The following PAIP1 variants were observed in gnomAD, a reference collection of about 807,000 sequenced individuals.
The protein encoded by PAIP1 is poly(A) binding protein interacting protein 1, also known as polyadenylate-binding protein-interacting protein 1.
Under a neutral mutation model 61.3 loss-of-function variants are expected in PAIP1, and 16 were observed. The observed-to-expected ratio is 0.26, with a 90% CI of 0.18 to 0.40. The LOEUF is 0.40. PAIP1 is among the 10% of genes least tolerant of loss of function. The probability of loss-of-function intolerance (pLI) is 1.00; values close to 1 mark genes in which losing one functional copy is unlikely to be tolerated. For missense variants in PAIP1, 416 were observed against 600.9 expected (o/e 0.69, Z 3.22); for synonymous variants, 187 against 226.2 (o/e 0.83, Z 1.56).
In PAIP1 at chr5:43,529,878, A is replaced by C. The variant is rs1265034344; in HGVS notation, c.1254T>G (p.Asp418Glu). 5.9e-6 allele frequency: 8 copies of C among 1,354,200 alleles called. No homozygotes were observed. The highest frequency in any genetic ancestry group is 8.5e-6 in the Non-Finnish European group (8 of 942,722). The allele number at this position is 1,354,200 out of a possible 1,614,324, so 83.9% of individuals were successfully genotyped here. A position where few individuals can be genotyped will look rare whatever the true frequency, so the allele number is the denominator to read the frequency against. Residue 418 changes from aspartate to glutamate, a missense_variant and splice_region_variant, in exon 10 of 11, where the codon GAT (aspartate) becomes GAG (glutamate). Physicochemically the swap from Asp to Glu is conservative, Grantham distance 45. Transcript: ENST00000306846. The part of the protein sequence containing the change: ...DGVPFTAADP[D>E]YQEKYQELLE... Reference sequence around the variant, plus strand: ...GTAATTCTTGGTATTTCTCTTGGTAATCTGTAAGACAACATAGGAGAAAAA... The same window carrying C: ...GTAATTCTTGGTATTTCTCTTGGTACTCTGTAAGACAACATAGGAGAAAAA...
intron 1 of PAIP1, 157 bp downstream of exon 1, chr5:43,556,425 C>G: frequency 4.1e-6 from 5 of 1,218,230 alleles, no homozygotes; most frequent in Non-Finnish European, 5.1e-6. Context: ...AACCCGGTTC[C>G]GGGCCCGTCC....
intron 2 of PAIP1, among the ~76,000 whole-genome samples, chr5:43,549,655 T>A (rs113721269): frequency 3.9e-5 from 6 of 152,332 alleles, no homozygotes; most frequent in African/African-American, 1.4e-4. Context: ...TGGACCACTA[T>A]AGTGCTACCA....
chr5:43,547,032 G>A (rs1747663198), intron 3 of PAIP1, among the ~76,000 whole-genome samples: 1 of 71,814 alleles, frequency 1.4e-5, no homozygotes, highest in South Asian at 5.2e-4. Flanking sequence ...GACAGGGCAA[G>A]ACTCCATATC....
chr5:43,538,345 GTTC>G (rs915054663), intron 5 of PAIP1, among the ~76,000 whole-genome samples: 3 of 151,940 alleles, frequency 2.0e-5, no homozygotes, highest in African/African-American at 7.3e-5. Flanking sequence ...AATTTTAAGT[GTTC>G]TTAACACAAA....
At chr5:43,535,044 C>G (rs1747089656) in intron 7 of PAIP1, 74 bp from the exon 8 acceptor site, 2 of 800,300 alleles carry the variant, frequency 2.5e-6, no homozygotes, top group Non-Finnish European at 4.3e-6. Flanking sequence ...CTCAGATTCC[C>G]AAAACTTTAT....
At chr5:43,553,684 G>A (rs928347124) in intron 2 of PAIP1, among the ~76,000 whole-genome samples, 2 of 152,134 alleles carry the variant, frequency 1.3e-5, no homozygotes, top group African/African-American at 2.4e-5. Flanking sequence ...CTTAACTATG[G>A]GTAAAGATTA....
Position 43,556,960 on chromosome 5 carries a change from TGGA to T in PAIP1, c.-117_-115del, listed in dbSNP as rs1413512639. ...GCCGCCGCGCCTCACTCGGGCCTCATGGAGGAGGAGGGCGGCGGGCCCCGGCTC... is the reference window on the plus strand; with the variant it reads ...GCCGCCGCGCCTCACTCGGGCCTCATGGAGGAGGGCGGCGGGCCCCGGCTC... On this transcript the variant is annotated 5_prime_UTR_variant, in exon 1 of 11. Coordinates refer to ENST00000306846, the MANE Select transcript of PAIP1 (RefSeq NM_006451.5). 5 of 1,255,054 alleles carry T rather than the reference TGGA, an allele frequency of 4.0e-6. No individual in the cohort carries two copies. The highest frequency in any genetic ancestry group is 3.2e-5 in the East Asian group (1 of 31,052). The allele number at this position is 1,255,054 out of a possible 1,614,324, so 77.7% of individuals were successfully genotyped here. A position where few individuals can be genotyped will look rare whatever the true frequency, so the allele number is the denominator to read the frequency against.
At chr5:43,551,843 G>C (rs754879296) in intron 2 of PAIP1, among the ~76,000 whole-genome samples, 3 of 150,446 alleles carry the variant, frequency 2.0e-5, no homozygotes, top group African/African-American at 7.4e-5. Context: ...GAATATAGCA[G>C]AACAGAGGAT....
At chr5:43,545,486 T>C (rs754227305) in intron 3 of PAIP1, among the ~76,000 whole-genome samples, 40 of 152,358 alleles carry the variant, frequency 2.6e-4, no homozygotes, top group Middle Eastern at 3.4e-3. Context: ...GTCTAACTTT[T>C]TAGATTCTCA....
At chr5:43,555,224 A>G (rs1748014635) in intron 2 of PAIP1, among the ~76,000 whole-genome samples, 1 of 152,222 alleles carries the variant, frequency 6.6e-6, no homozygotes, top group Admixed American at 6.5e-5. Context: ...GCTAACACTT[A>G]AGTACACTAT....
intron 9 of PAIP1, among the ~76,000 whole-genome samples, chr5:43,530,567 AT>A (rs1218214300): frequency 6.6e-6 from 1 of 152,232 alleles, no homozygotes; most frequent in Non-Finnish European, 1.5e-5. Flanking sequence ...TTGCAATTAT[AT>A]TAGACTGGGT....
At chr5:43,542,353 T>C (rs574671098) in intron 4 of PAIP1, among the ~76,000 whole-genome samples, 1 of 151,424 alleles carries the variant, frequency 6.6e-6, no homozygotes, top group Non-Finnish European at 1.5e-5. Context: ...GCCAACATGG[T>C]GAAACCCGTC....
chr5:43,554,319 T>C (rs1046987236), intron 2 of PAIP1, among the ~76,000 whole-genome samples: 13 of 152,196 alleles, frequency 8.5e-5, no homozygotes, highest in African/African-American at 3.1e-4. Context: ...TAAGAGTTTA[T>C]TCAACCTCTT....
At chr5:43,555,799 C>T in intron 2 of PAIP1, 31 bp downstream of exon 2, 2 of 1,555,398 alleles carry the variant, frequency 1.3e-6, no homozygotes, top group Non-Finnish European at 1.8e-6. Flanking sequence ...AGTAAATTAA[C>T]CCAGAGTTGT....
At chr5:43,549,467 T>C (rs557303183) in intron 2 of PAIP1, among the ~76,000 whole-genome samples, 6 of 152,080 alleles carry the variant, frequency 3.9e-5, no homozygotes, top group South Asian at 2.1e-4. Context: ...ATCTGATGGG[T>C]TTATCAGGGG....
At chr5:43,535,431 C>T in intron 7 of PAIP1, 103 bp downstream of exon 7, 1 of 694,184 alleles carries the variant, frequency 1.4e-6, no homozygotes, top group South Asian at 1.6e-5. Flanking sequence ...TATCCGTTAG[C>T]CATCAACTTA....
chr5:43,543,879 T>C (rs1206370374), intron 3 of PAIP1, among the ~76,000 whole-genome samples: 3 of 152,144 alleles, frequency 2.0e-5, no homozygotes, highest in Non-Finnish European at 4.4e-5. Flanking sequence ...CAGTGGCTCA[T>C]GCCTGTATTC....
chr5:43,539,683 CCT>C (rs1240630495), intron 4 of PAIP1, among the ~76,000 whole-genome samples: 1 of 152,118 alleles, frequency 6.6e-6, no homozygotes, highest in African/African-American at 2.4e-5. Context: ...TCTCTTTGCC[CCT>C]GACTTGACCC....
chr5:43,542,175 C>T lies in PAIP1; in HGVS notation c.734+829G>A, dbSNP rs185038543. ...TGGGTGACAGAGCAAGACTCGGTCT[C>T]GGAAAAAAAAAAAAAAATCCCACAA... On this transcript the variant is annotated intron_variant, in intron 4 of 10. Coordinates refer to ENST00000306846, the MANE Select transcript of PAIP1 (RefSeq NM_006451.5). 2.8e-3 allele frequency among the ~76,000 whole-genome samples: 395 copies of T among 139,762 alleles called. 1 individual carries two copies. The highest frequency in any genetic ancestry group is 2.7e-3 in the Non-Finnish European group (174 of 65,078). The allele number at this position is 139,762 out of a possible 152,430, so 91.7% of individuals were successfully genotyped here.
Sources: allele counts gnomAD v4.1 joint callset (sites outside exome capture counted in the v4.1 genomes callset), GRCh38; gene constraint gnomAD v4.1.1; transcripts MANE v1.5; gene names NCBI Gene and HGNC (gene_info 2026-07-23, HGNC 2026-07-21).